Variants in NOL4 observed in about 807,000 individuals in gnomAD.
NOL4 encodes the protein nucleolar protein 4, also known as cancer/testis antigen 125.
In NOL4, 17 loss-of-function variants were observed where a neutral mutation model predicts 75.9. The observed-to-expected ratio is 0.22, with a 90% confidence interval of 0.15 to 0.34. The LOEUF (loss-of-function observed/expected upper bound fraction) is 0.34. NOL4 is among the 10% of genes least tolerant of loss of function. The probability of loss-of-function intolerance (pLI) is 1.00; values close to 1 mark genes in which losing one functional copy is unlikely to be tolerated. For synonymous variants in NOL4, 292 were observed against 289.9 expected (o/e 1.01, Z -0.07); for missense variants, 614 against 793.5 (o/e 0.77, Z 2.72).
chr18:34,197,681 T>C (rs2035430720), intron 1 of NOL4, among the ~76,000 whole-genome samples: 1 of 151,780 alleles, frequency 6.6e-6, no homozygotes. Context: ...CTGAAGGATG[T>C]ATAGAAGTTA....
intron 9 of NOL4, among the ~76,000 whole-genome samples, chr18:33,930,322 C>T (rs1322346650): frequency 6.6e-6 from 1 of 151,896 alleles, no homozygotes; most frequent in Non-Finnish European, 1.5e-5. Context: ...ATAACCATTC[C>T]CAGAATCTGT....
chr18:34,039,782 G>A (rs564412197), intron 5 of NOL4, among the ~76,000 whole-genome samples: 1 of 152,054 alleles, frequency 6.6e-6, no homozygotes, highest in Admixed American at 6.6e-5. Context: ...ACTTACAATG[G>A]TTCAACTTAG....
Position 33,983,612 on chromosome 18 carries a change from G to T in NOL4, c.1057-25194C>A, listed in dbSNP as rs138812431. Among the ~76,000 whole-genome samples, 8 of 151,496 alleles carry T rather than the reference G, an allele frequency of 5.3e-5. No individual in the cohort carries two copies. In the East Asian group the frequency reaches 1.6e-3, roughly 29 times the overall value. On this transcript the variant is annotated intron_variant, in intron 6 of 10. Coordinates refer to ENST00000261592, the MANE Select transcript of NOL4 (RefSeq NM_003787.5). ...ATAGGAGGTGCATACACACATATATGCACACATATACACATATATGCACAC... is the reference window on the plus strand; with the variant it reads ...ATAGGAGGTGCATACACACATATATTCACACATATACACATATATGCACAC...
chr18:34,092,936 G>A (rs1659883969), intron 5 of NOL4, among the ~76,000 whole-genome samples: 1 of 152,136 alleles, frequency 6.6e-6, no homozygotes, highest in Non-Finnish European at 1.5e-5. Flanking sequence ...AAGAGATCAT[G>A]AACTTTCTTT....
intron 6 of NOL4, among the ~76,000 whole-genome samples, chr18:33,961,320 T>C (rs1600067142): frequency 6.6e-6 from 1 of 150,930 alleles, no homozygotes; most frequent in Non-Finnish European, 1.5e-5. Context: ...GTGTGTAGGG[T>C]GGGTGAGGGG....
rs141080481 is a variant in NOL4 at position 33,958,256 on chromosome 18, G to T, written c.1219C>A (p.Arg407=). The change falls in exon 7 of 11, where the codon CGG becomes AGG. Residue 407 remains arginine, a synonymous_variant. Transcript: ENST00000261592. ...VNETDGVEAE[R]LKAFNMFVRL... ...GGACTCACATTAAAAGCTTTCAGCC[G>T]CTCGGCTTCAACGCCGTCTGTCTCA... The T allele has an allele frequency of 5.1e-5, 83 of 1,612,978 alleles. 1 individual carries two copies. In the African/African-American group the frequency reaches 9.5e-4, roughly 18 times the overall value.
chr18:33,894,547 G>A (rs1044602370), intron 9 of NOL4, among the ~76,000 whole-genome samples: 1 of 152,074 alleles, frequency 6.6e-6, no homozygotes, highest in Non-Finnish European at 1.5e-5. Flanking sequence ...GACAACCAAT[G>A]ACAAGCTTTG....
At chr18:34,113,993 C>G (rs527986043) in intron 2 of NOL4, among the ~76,000 whole-genome samples, 1 of 152,312 alleles carries the variant, frequency 6.6e-6, no homozygotes, top group South Asian at 2.1e-4. Context: ...GTCCTAATAT[C>G]TTTCTCGCAA....
intron 4 of NOL4, among the ~76,000 whole-genome samples, chr18:34,099,064 C>A (rs991199473): frequency 6.6e-6 from 1 of 151,974 alleles, no homozygotes; most frequent in East Asian, 1.9e-4. Flanking sequence ...TCTTAGCAAA[C>A]TGTTTAAAAA....
intron 5 of NOL4, among the ~76,000 whole-genome samples, chr18:34,065,181 T>C (rs763062335): frequency 6.6e-6 from 1 of 151,896 alleles, no homozygotes; most frequent in Non-Finnish European, 1.5e-5. Context: ...CTAGAAGAGA[T>C]AGCAAATGCT....
At chr18:34,090,848 C>G (rs138008181) in intron 5 of NOL4, among the ~76,000 whole-genome samples, 78 of 152,208 alleles carry the variant, frequency 5.1e-4, no homozygotes, top group African/African-American at 1.8e-3. Flanking sequence ...AAAACTCTTT[C>G]AGAGTTTCAC....
chr18:34,095,601 T>C (rs1462595408), intron 4 of NOL4, among the ~76,000 whole-genome samples: 1 of 152,102 alleles, frequency 6.6e-6, no homozygotes, highest in African/African-American at 2.4e-5. Flanking sequence ...TGTGCTGCTC[T>C]CACAGAGTCA....
Position 33,943,067 on chromosome 18 carries a change from G to T in NOL4, c.1540C>A (p.Gln514Lys). 6.2e-7 allele frequency: 1 copy of T among 1,605,078 alleles called. No individual in the cohort carries two copies. Among genetic ancestry groups the T allele is most frequent in the Non-Finnish European group, 8.5e-7 (1 of 1,173,014 alleles). ...CAGACTTCAAGATGCCTCAGTACCT[G>T]CTGTCTCTCCAGACGCATCCTCTTG... ...AAKRMRLERQ[Q>K]DESAPADKQC... is the part of the protein sequence containing the mutation. Residue 514 changes from glutamine (Q) to lysine (K), a missense_variant and splice_region_variant, in exon 9 of 11, where the codon CAG (glutamine) becomes AAG (lysine). Around this residue, in one of 9 missense-constraint regions of NOL4, gnomAD observed 128 missense variants for 159.9 expected, o/e 0.80. Transcript: ENST00000261592.
At chr18:34,184,662 T>C (rs2034318179) in intron 1 of NOL4, among the ~76,000 whole-genome samples, 1 of 152,008 alleles carries the variant, frequency 6.6e-6, no homozygotes, top group Non-Finnish European at 1.5e-5. Context: ...CCAAAGGTGA[T>C]ATGGAAATAA....
chr18:34,002,157 T>C (rs1032382783), intron 6 of NOL4, among the ~76,000 whole-genome samples: 2 of 152,112 alleles, frequency 1.3e-5, no homozygotes, highest in African/African-American at 4.8e-5. Flanking sequence ...AACTAAAATC[T>C]TATCCTCACT....
At position 33,934,709 on chromosome 18, in the gene NOL4, G is replaced by T. The variant is rs142135241; in HGVS notation, c.1542+8356C>A. 2.6e-4 allele frequency among the ~76,000 whole-genome samples: 39 copies of T among 152,164 alleles called. No individual in the cohort carries two copies. In the East Asian group the frequency reaches 4.9e-3, roughly 19 times the overall value. Reference sequence around the variant, plus strand: ...TTCCTCACCTCTCTTACTCTTCATAGAATTGAAGAGAGTTAGGATCTTGCT... The same window carrying T: ...TTCCTCACCTCTCTTACTCTTCATATAATTGAAGAGAGTTAGGATCTTGCT... On this transcript the variant is annotated intron_variant, in intron 9 of 10. Transcript: ENST00000261592.
chr18:34,002,252 A>T (rs2073765952), intron 6 of NOL4, among the ~76,000 whole-genome samples: 1 of 151,662 alleles, frequency 6.6e-6, no homozygotes. Context: ...TTTCAGACTC[A>T]TTTTTTTCCA....
At position 34,197,728 on chromosome 18, in the gene NOL4, C is replaced by G. The variant is rs28580447; in HGVS notation, c.264+25262G>C. Reference sequence around the variant, plus strand: ...AGGGTGGTGGAAGGTGGTTTGAATTCCTGGCAGAGGGAACAACATAGGAAA... The same window carrying G: ...AGGGTGGTGGAAGGTGGTTTGAATTGCTGGCAGAGGGAACAACATAGGAAA... On this transcript the variant is annotated intron_variant, in intron 1 of 10. Coordinates refer to ENST00000261592, the MANE Select transcript of NOL4 (RefSeq NM_003787.5). Among the ~76,000 whole-genome samples the G allele has an allele frequency of 9.9e-3, 1,501 of 151,882 alleles. 23 individuals carry two copies. Among genetic ancestry groups the G allele is most frequent in the African/African-American group, 0.034 (1,417 of 41,468 alleles).
At chr18:33,907,847 T>C (rs911375954) in intron 9 of NOL4, among the ~76,000 whole-genome samples, 2 of 152,240 alleles carry the variant, frequency 1.3e-5, no homozygotes, top group Non-Finnish European at 2.9e-5. Flanking sequence ...TTTGTCTATA[T>C]ATAATAATAT....
Sources: allele counts gnomAD v4.1 joint callset (sites outside exome capture counted in the v4.1 genomes callset), GRCh38; gene constraint gnomAD v4.1.1; regional missense constraint gnomAD v4.1.1; transcripts MANE v1.5; gene names NCBI Gene and HGNC (gene_info 2026-07-23, HGNC 2026-07-21).